The following GEMIN5 variants were observed in gnomAD, a reference collection of about 807,000 sequenced individuals.
GEMIN5 encodes gem nuclear organelle associated protein 5.
A neutral mutation model predicts 176.9 loss-of-function variants in GEMIN5; 124 were observed. The observed-to-expected ratio is 0.70, with a 90% CI of 0.61 to 0.81. The LOEUF (loss-of-function observed/expected upper bound fraction) is 0.81. Among genes scored for constraint, GEMIN5 ranks in the 40% least tolerant of loss-of-function variants. The pLI is 0.00. For missense variants in GEMIN5, 1,843 were observed against 1,814.6 expected, an observed-to-expected ratio of 1.02 and a Z score of -0.28; for synonymous variants, 673 against 665.2, an observed-to-expected ratio of 1.01 and a Z score of -0.18.
At chr5:154,902,742 A>C in intron 19 of GEMIN5, 66 bp from the exon 20 acceptor site, 1 of 1,514,632 alleles carries the variant, frequency 6.6e-7, no homozygotes, top group Non-Finnish European at 9.1e-7. Flanking sequence ...TTGTAGGAAA[A>C]GAAAGGCAAG....
intron 7 of GEMIN5, among the ~76,000 whole-genome samples, chr5:154,927,156 T>C (rs1013895468): frequency 3.3e-5 from 5 of 152,168 alleles, no homozygotes; most frequent in South Asian, 2.1e-4. Context: ...TGGGCAAAAC[T>C]ACCCTTCTTT....
Position 154,928,572 on chromosome 5 carries a change from T to C in GEMIN5, c.869A>G (p.His290Arg), listed in dbSNP as rs771996301. Residue 290 changes from histidine (H) to arginine (R), a missense_variant, in exon 6 of 28, where the codon CAT becomes CGT. By Grantham distance (29) the His-to-Arg change is conservative. Coordinates refer to ENST00000285873, the MANE Select transcript of GEMIN5 (RefSeq NM_015465.5). ...CTGTGTTGGTTGATTGCTGGGCCAA[T>C]GGAGTGTCAACCAAAGGCGCTCTTT... ...TVKERLWLTL[H>R]WPSNQPTQLV... 1 of 1,614,106 alleles carries C rather than the reference T, an allele frequency of 6.2e-7. No individual in the cohort carries two copies. The highest frequency in any genetic ancestry group is 1.1e-5 in the South Asian group (1 of 91,082).
At chr5:154,929,786 C>G (rs1305090146) in intron 5 of GEMIN5, among the ~76,000 whole-genome samples, 1 of 152,220 alleles carries the variant, frequency 6.6e-6, no homozygotes, top group Non-Finnish European at 1.5e-5. Flanking sequence ...TAGTTACCTA[C>G]CACTGATGAA....
In GEMIN5 at chr5:154,891,388, C is replaced by T; in HGVS notation, c.4115G>A (p.Arg1372Lys). The T allele has an allele frequency of 6.2e-7, 1 of 1,614,130 alleles. No individual in the cohort carries two copies. Among genetic ancestry groups the T allele is most frequent in the Non-Finnish European group, 8.5e-7 (1 of 1,180,022 alleles). Reference sequence around the variant, plus strand: ...GGTCTCTTGGACTTCAGCAACAGTTCTCTGTGAGTTTTGGAGACTGGCATG... The same window carrying T: ...GGTCTCTTGGACTTCAGCAACAGTTTTCTGTGAGTTTTGGAGACTGGCATG... ...EKHASLQNSQ[R>K]TVAEVQETLA... The change falls in exon 26 of 28, where the codon AGA (arginine) becomes AAA (lysine). Residue 1372 changes from arginine to lysine, a missense_variant. Arg to Lys is a conservative substitution (Grantham distance 26, BLOSUM62 2). Transcript: ENST00000285873.
chr5:154,900,986 A>C (rs1763449462), intron 21 of GEMIN5, among the ~76,000 whole-genome samples: 1 of 152,230 alleles, frequency 6.6e-6, no homozygotes, highest in African/African-American at 2.4e-5. Flanking sequence ...AACAAAGTTT[A>C]ACACTCTCTA....
In GEMIN5 at chr5:154,894,210, G is replaced by A. The variant is rs187631450; in HGVS notation, c.3598-1661C>T. Among the ~76,000 whole-genome samples the A allele has an allele frequency of 1.8e-3, 276 of 152,266 alleles. 4 individuals are homozygous for A. The East Asian group carries it at 0.024, about 13-fold the overall frequency. On this transcript the variant is annotated intron_variant, in intron 24 of 27. Coordinates refer to ENST00000285873, the MANE Select transcript of GEMIN5 (RefSeq NM_015465.5). ...TCCACCCGCGTTGGCCTCCCAAAGT[G>A]CTGGGATTACAGGTGTGAGCCACCA... is the stretch of plus-strand genomic sequence containing the variant.
Position 154,931,536 on chromosome 5 carries a change from G to C in GEMIN5, c.703C>G (p.Pro235Ala). The C allele has an allele frequency of 6.2e-7, 1 of 1,611,660 alleles. No individual in the cohort carries two copies. The change falls in exon 5 of 28, where the codon CCA becomes GCA. Residue 235 changes from proline to alanine, a missense_variant. Physicochemically the swap from Pro to Ala is conservative, Grantham distance 27 (BLOSUM62 -1). Transcript: ENST00000285873. ...GCTAAGTAGCAACCTTTTGTTACTG[G>C]AGCTTGTGCTACAGCATTCCCGTTG... Reference protein sequence around the residue: ...ITNGNAVAQAPVTKGCYLATG... With the variant: ...ITNGNAVAQAAVTKGCYLATG...
chr5:154,915,666 C>G (rs938219175), intron 13 of GEMIN5, among the ~76,000 whole-genome samples: 2 of 152,154 alleles, frequency 1.3e-5, no homozygotes, highest in African/African-American at 4.8e-5. Flanking sequence ...TCAGTGTAAT[C>G]ATTGGGAAAA....
At chr5:154,892,826 C>T (rs968400962) in intron 24 of GEMIN5, among the ~76,000 whole-genome samples, 31 of 152,258 alleles carry the variant, frequency 2.0e-4, no homozygotes, top group African/African-American at 5.1e-4. Context: ...GGGCCAGGCG[C>T]GGTGGCTCAT....
intron 1 of GEMIN5, among the ~76,000 whole-genome samples, chr5:154,937,710 C>A (rs957924709): frequency 5.3e-5 from 8 of 152,136 alleles, no homozygotes; most frequent in African/African-American, 1.9e-4. Context: ...TATAAATGGC[C>A]GAGACTATAC....
In GEMIN5 at chr5:154,938,203, G is replaced by T. The variant is rs576944228; in HGVS notation, c.-70C>A. On this transcript the variant is annotated 5_prime_UTR_variant, in exon 1 of 28. Transcript: ENST00000285873. ...CTCGTAGCCTCACGCCTTAGGTAGGGAGCGGGGCGGGGTGAACTCCGAGCC... is the reference window on the plus strand; with the variant it reads ...CTCGTAGCCTCACGCCTTAGGTAGGTAGCGGGGCGGGGTGAACTCCGAGCC... The T allele has an allele frequency of 4.0e-5, 49 of 1,235,772 alleles. No homozygotes were observed. The highest frequency in any genetic ancestry group is 4.8e-5 in the Non-Finnish European group (46 of 960,298). 76.6% of individuals were successfully genotyped at this position (1,235,772 alleles called of 1,614,324 possible).
rs201349678 is a variant in GEMIN5, at chr5:154,912,957, G to A, written c.1937C>T (p.Ala646Val). Residue 646 changes from alanine to valine, a missense_variant, in exon 14 of 28, where the codon GCG (alanine) becomes GTG (valine). By Grantham distance (64) the Ala-to-Val change is moderately conservative (BLOSUM62 0). Transcript: ENST00000285873. ...SGHTAKITSVAWSPHHDGRLV... is the reference protein window; with the variant it reads ...SGHTAKITSVVWSPHHDGRLV... ...CCTTCCATCATGATGTGGGCTCCAC[G>A]CCACACTGGTAATCTTGGCCGTATG... is the stretch of plus-strand genomic sequence containing the variant. The A allele has an allele frequency of 3.7e-6, 6 of 1,613,652 alleles. No homozygotes were observed. Among genetic ancestry groups the A allele is most frequent in the East Asian group, 2.2e-5 (1 of 44,874 alleles).
Position 154,888,010 on chromosome 5 carries a change from G to C in GEMIN5, c.*200C>G, listed in dbSNP as rs971898952. 1.8e-6 allele frequency: 1 copy of C among 562,000 alleles called. No individual in the cohort carries two copies. Among genetic ancestry groups the C allele is most frequent in the Non-Finnish European group, 3.2e-6 (1 of 316,790 alleles). 34.8% of individuals were successfully genotyped at this position (562,000 alleles called of 1,614,324 possible). Reference sequence around the variant, plus strand: ...TTTCATGATCTTCCCTCCAGTAGGAGACCACAATTGAGTCTAAAGTCAGAT... The same window carrying C: ...TTTCATGATCTTCCCTCCAGTAGGACACCACAATTGAGTCTAAAGTCAGAT... On this transcript the variant is annotated 3_prime_UTR_variant, in exon 28 of 28. Coordinates refer to ENST00000285873, the MANE Select transcript of GEMIN5 (RefSeq NM_015465.5).
At chr5:154,902,439 T>C (rs1002330314) in intron 20 of GEMIN5, 100 bp downstream of exon 20, 2 of 1,057,860 alleles carry the variant, frequency 1.9e-6, no homozygotes, top group Non-Finnish European at 2.8e-6. Flanking sequence ...TATTTGTAAG[T>C]GATTTCAAGC....
At chr5:154,919,902 A>G in intron 11 of GEMIN5, 65 bp downstream of exon 11, 1 of 1,419,334 alleles carries the variant, frequency 7.0e-7, no homozygotes, top group Non-Finnish European at 9.8e-7. Flanking sequence ...TTTATTTTGC[A>G]AGATGGGAAA....
At position 154,889,510 on chromosome 5, in the gene GEMIN5, C is replaced by T. The variant is rs999813531; in HGVS notation, c.4263-93G>A. The T allele has an allele frequency of 1.6e-5, 10 of 644,484 alleles. 1 individual carries two copies. Among genetic ancestry groups the T allele is most frequent in the South Asian group, 7.6e-5 (4 of 52,346 alleles). 39.9% of individuals were successfully genotyped at this position (644,484 alleles called of 1,614,324 possible). The stretch of plus-strand genomic sequence containing the variant: ...TTTTACTGTGGTAAAATGTATATAA[C>T]ATAAAGCTTACCATCTTAGCCATTT... On this transcript the variant is annotated intron_variant, in intron 26 of 27. Transcript: ENST00000285873.
In GEMIN5 at chr5:154,935,791, C is replaced by G. The variant is rs149469432; in HGVS notation, c.509+50G>C. 5.6e-4 allele frequency: 743 copies of G among 1,337,854 alleles called. 1 individual carries two copies. The African/African-American group carries it at 9.5e-3, about 17-fold the overall frequency. 82.9% of individuals were successfully genotyped at this position (1,337,854 alleles called of 1,614,324 possible). ...CAGAGAAGGTAAAGAAAATGCAAAA[C>G]ACGATCATAAACAAACAAAAATCAT... On this transcript the variant is annotated intron_variant, in intron 3 of 27. Coordinates refer to ENST00000285873, the MANE Select transcript of GEMIN5 (RefSeq NM_015465.5).
intron 24 of GEMIN5, among the ~76,000 whole-genome samples, chr5:154,893,787 A>G (rs998355591): frequency 2.6e-5 from 4 of 152,200 alleles, no homozygotes; most frequent in Non-Finnish European, 5.9e-5. Flanking sequence ...TCTGTCGCCC[A>G]GGCTGGAGTG....
At chr5:154,909,019 A>G (rs147746278) in intron 15 of GEMIN5, among the ~76,000 whole-genome samples, 1,563 of 152,080 alleles carry the variant, frequency 0.01, 20 homozygotes, top group African/African-American at 0.034. Flanking sequence ...CGGTGGCAGA[A>G]TCTCCGTTCA....
Sources: gnomAD v4.1 joint callset for allele counts (sites outside exome capture counted in the v4.1 genomes callset) on GRCh38, gnomAD v4.1.1 for gene constraint, MANE v1.5 for transcripts, NCBI Gene and HGNC (gene_info 2026-07-23, HGNC 2026-07-21) for gene names.